Variants in TRPM3 observed in about 807,000 individuals in gnomAD.
TRPM3 encodes the protein transient receptor potential cation channel subfamily M member 3, also known as long transient receptor potential channel 3.
TRPM3 carries 77 observed loss-of-function variants against 181.2 expected under a neutral mutation model. That is an observed-to-expected ratio of 0.42 (90% CI 0.35 to 0.51). The LOEUF is 0.51. Among genes scored for constraint, TRPM3 ranks in the 20% least tolerant of loss-of-function variants. The pLI, the probability that TRPM3 is intolerant of heterozygous loss-of-function variation, is 0.01. For missense variants in TRPM3, 1,759 were observed against 2,196.7 expected (o/e 0.80, Z 3.98); for synonymous variants, 745 against 796.4 (o/e 0.94, Z 1.09).
chr9:70,575,109 A>AT (rs55876205), intron 22 of TRPM3, among the ~76,000 whole-genome samples: 33,868 of 134,208 alleles, frequency 0.25, 4,646 homozygotes, highest in Middle Eastern at 0.32. Context: ...ATCCCGCATA[A>AT]TTTTTTTTTT....
chr9:71,446,561 A>C (rs2094206996), intron 1 of TRPM3: 1 of 1,334,634 alleles, frequency 7.5e-7, no homozygotes. Context: ...TCTCACCCTT[A>C]GGGAGGCAAG....
intron 5 of TRPM3, among the ~76,000 whole-genome samples, chr9:70,842,464 G>C (rs532878373): frequency 6.6e-6 from 1 of 152,224 alleles, no homozygotes; most frequent in African/African-American, 2.4e-5. Context: ...AGAAAAAGTA[G>C]TTTAAGACCA....
At chr9:70,980,175 A>C (rs1344612311) in intron 1 of TRPM3, among the ~76,000 whole-genome samples, 1 of 152,054 alleles carries the variant, frequency 6.6e-6, no homozygotes, top group Non-Finnish European at 1.5e-5. Flanking sequence ...AACCTGAGTC[A>C]GGCGTTGTGG....
intron 6 of TRPM3, among the ~76,000 whole-genome samples, chr9:70,793,209 T>C (rs2131041484): frequency 6.6e-6 from 1 of 152,262 alleles, no homozygotes; most frequent in East Asian, 1.9e-4. Flanking sequence ...ATCCCAGCTC[T>C]TTGGGAGACC....
At position 71,048,433 on chromosome 9, in the gene TRPM3, T is replaced by A. The variant is rs190791640; in HGVS notation, c.177+72745A>T. 3.9e-4 allele frequency among the ~76,000 whole-genome samples: 59 copies of A among 152,320 alleles called. No individual in the cohort carries two copies. In the East Asian group the frequency reaches 0.01, roughly 27 times the overall value. On this transcript the variant is annotated intron_variant, in intron 1 of 25. Coordinates refer to ENST00000677713, the MANE Select transcript of TRPM3 (RefSeq NM_001366145.2). The stretch of plus-strand genomic sequence containing the variant: ...GGCTGAATGGCCACAAATCTTTATG[T>A]CCTTGGAAACACTTGACTCACTGGA...
rs372130959 is a variant in TRPM3 at position 71,351,353 on chromosome 9, G to A, written c.183+95300C>T. 4.6e-5 allele frequency among the ~76,000 whole-genome samples: 7 copies of A among 152,162 alleles called. No homozygotes were observed. In the South Asian group the frequency reaches 8.3e-4, roughly 18 times the overall value. On this transcript the variant is annotated intron_variant, in intron 1 of 24. Transcript: ENST00000357533. ...ATTCACGTGAACAAATTTAGCGATTGTTGCAATGTTGTCTGCCTTATTACA... is the reference window on the plus strand; with the variant it reads ...ATTCACGTGAACAAATTTAGCGATTATTGCAATGTTGTCTGCCTTATTACA...
chr9:71,144,694 A>G lies in TRPM3; in HGVS notation c.184-280183T>C, dbSNP rs779335233. On this transcript the variant is annotated intron_variant, in intron 1 of 24. Coordinates refer to the TRPM3 transcript ENST00000357533. ...TCAGCAGAAGAAAGGAAGACTTGCA[A>G]AAGTCAAGCCAGATTGCTGATCAGT... Among the ~76,000 whole-genome samples the G allele has an allele frequency of 8.8e-4, 134 of 152,322 alleles. 1 individual carries two copies. The highest frequency in any genetic ancestry group is 4.4e-4 in the Non-Finnish European group (30 of 68,020).
At chr9:71,164,048 G>A (rs947086709) in intron 1 of TRPM3, among the ~76,000 whole-genome samples, 9 of 152,240 alleles carry the variant, frequency 5.9e-5, no homozygotes, top group African/African-American at 2.2e-4. Flanking sequence ...AGATGCTAAT[G>A]AGCGTATGCA....
chr9:70,990,082 A>G (rs1333043117), intron 1 of TRPM3, among the ~76,000 whole-genome samples: 1 of 152,216 alleles, frequency 6.6e-6, no homozygotes, highest in African/African-American at 2.4e-5. Flanking sequence ...GCCCCAAATC[A>G]CATAGCTAAT....
At chr9:70,822,228 C>A (rs188240443) in intron 6 of TRPM3, among the ~76,000 whole-genome samples, 1 of 152,108 alleles carries the variant, frequency 6.6e-6, no homozygotes, top group Non-Finnish European at 1.5e-5. Context: ...GGAATCTCAC[C>A]GCTTCTCAAA....
intron 1 of TRPM3, among the ~76,000 whole-genome samples, chr9:70,865,646 G>T (rs898950131): frequency 6.6e-6 from 1 of 151,962 alleles, no homozygotes; most frequent in Non-Finnish European, 1.5e-5. Context: ...GCTAAATTCT[G>T]GTTGGTCCTC....
chr9:71,038,956 C>T (rs981090422), intron 1 of TRPM3, among the ~76,000 whole-genome samples: 1 of 152,114 alleles, frequency 6.6e-6, no homozygotes, highest in African/African-American at 2.4e-5. Context: ...AACAGTATCA[C>T]TATTTGACCC....
intron 9 of TRPM3, among the ~76,000 whole-genome samples, chr9:70,664,435 C>G (rs531256483): frequency 6.6e-6 from 1 of 152,168 alleles, no homozygotes; most frequent in African/African-American, 2.4e-5. Flanking sequence ...CTTGTAAAGG[C>G]TAAGATATAA....
intron 1 of TRPM3, among the ~76,000 whole-genome samples, chr9:70,877,373 A>G (rs1477499094): frequency 6.6e-6 from 1 of 152,044 alleles, no homozygotes; most frequent in Admixed American, 6.6e-5. Context: ...TTAGTCTTTA[A>G]TCTGGTTATT....
At chr9:70,984,729 T>C (rs1400410595) in intron 1 of TRPM3, among the ~76,000 whole-genome samples, 1 of 152,240 alleles carries the variant, frequency 6.6e-6, no homozygotes, top group Non-Finnish European at 1.5e-5. Flanking sequence ...GATTCTCTCC[T>C]GGAGCCTCCA....
At chr9:70,819,940 T>G (rs1043934173) in intron 6 of TRPM3, among the ~76,000 whole-genome samples, 1 of 152,214 alleles carries the variant, frequency 6.6e-6, no homozygotes, top group Non-Finnish European at 1.5e-5. Flanking sequence ...CTTCTTCTAA[T>G]TTTTTTGAAT....
intron 8 of TRPM3, among the ~76,000 whole-genome samples, chr9:70,759,861 A>G (rs571225039): frequency 6.6e-6 from 1 of 152,294 alleles, no homozygotes; most frequent in East Asian, 1.9e-4. Context: ...GAGGGATAGC[A>G]TTAGGAGAAA....
At chr9:70,826,514 A>G (rs2093566018) in intron 6 of TRPM3, 1 of 152,262 alleles carries the variant, frequency 6.6e-6, no homozygotes, top group South Asian at 2.1e-4. Context: ...TGAAACCATG[A>G]AACATGACAC....
intron 1 of TRPM3, among the ~76,000 whole-genome samples, chr9:71,402,081 ACATT>A: frequency 6.6e-6 from 1 of 152,338 alleles, no homozygotes; most frequent in East Asian, 1.9e-4. Context: ...AAAAAAATGA[ACATT>A]CAAACAAACT....
Sources: gnomAD v4.1 joint callset for allele counts (sites outside exome capture counted in the v4.1 genomes callset) on GRCh38, gnomAD v4.1.1 for gene constraint, MANE v1.5 for transcripts, NCBI Gene and HGNC (gene_info 2026-07-23, HGNC 2026-07-21) for gene names.